CPN2: variants seen among roughly 807,000 people sequenced by gnomAD.
CPN2 encodes carboxypeptidase N subunit 2, also known as carboxypeptidase N 83 kDa chain.
For synonymous variants in CPN2, 336 were observed against 318.4 expected, an observed-to-expected ratio of 1.06 and a Z score of -0.59; for missense variants, 620 against 671.4, an observed-to-expected ratio of 0.92 and a Z score of 0.85.
intron 1 of CPN2, 86 bp from the exon 2 acceptor site, chr3:194,342,791 C>T (rs1712908295): frequency 1.5e-6 from 1 of 662,736 alleles, no homozygotes; most frequent in Admixed American, 2.8e-5. Context: ...GTGACCAGGG[C>T]ATAGTGACCA....
rs763677243 is a variant in CPN2 at position 194,342,093 on chromosome 3, C to T, written c.610G>A (p.Ala204Thr). ...SLQTLKLSNN[A>T]LSGLPQGVFG... The stretch of plus-strand genomic sequence containing the variant: ...ACACCCTGGGGGAGACCAGAGAGCG[C>T]GTTGTTGCTCAGCTTCAGGGTCTGC... Residue 204 changes from alanine (A) to threonine (T), a missense_variant, in exon 2 of 2, where the codon GCG (alanine) becomes ACG (threonine). Transcript: ENST00000323830. 78 of 1,613,974 alleles carry T rather than the reference C, an allele frequency of 4.8e-5. No individual in the cohort carries two copies. In the Admixed American group the frequency reaches 1.1e-3, roughly 23 times the overall value.
Position 194,349,121 on chromosome 3 carries a change from G to A in CPN2, c.-4+2121C>T, listed in dbSNP as rs192332640. On this transcript the variant is annotated intron_variant, in intron 1 of 1. Transcript: ENST00000323830. ...CACACCTGTAATCCCAGCACTTTGG[G>A]AGGCTGAGGCGGGAGCATCACCTGA... Among the ~76,000 whole-genome samples the A allele has an allele frequency of 2.0e-5, 3 of 152,280 alleles. No homozygotes were observed. The East Asian group carries it at 5.8e-4, about 29-fold the overall frequency.
intron 1 of CPN2, among the ~76,000 whole-genome samples, chr3:194,348,983 AAT>A (rs1713157079): frequency 6.6e-6 from 1 of 152,218 alleles, no homozygotes; most frequent in South Asian, 2.1e-4. Context: ...TCTTAAGTGA[AAT>A]ATATGAAGTC....
chr3:194,345,174 G>C (rs1463905514), intron 1 of CPN2, among the ~76,000 whole-genome samples: 7 of 152,214 alleles, frequency 4.6e-5, no homozygotes, highest in Admixed American at 2.0e-4. Context: ...GGCTCAGGCA[G>C]GTTTTGTTGA....
intron 1 of CPN2, among the ~76,000 whole-genome samples, chr3:194,350,924 T>G (rs75374195): frequency 0.034 from 5,177 of 152,156 alleles, 242 homozygotes; most frequent in African/African-American, 0.11. Context: ...TATGCCAAGA[T>G]GACAAGTATA....
In CPN2 at chr3:194,342,586, C is replaced by G; in HGVS notation, c.117G>C (p.Glu39Asp). 1.2e-6 allele frequency: 2 copies of G among 1,614,104 alleles called. No individual in the cohort carries two copies. Among genetic ancestry groups the G allele is most frequent in the African/African-American group, 1.3e-5 (1 of 75,036 alleles). Residue 39 changes from glutamate to aspartate, a missense_variant, in exon 2 of 2, where the codon GAG (glutamate) becomes GAC (aspartate). Glu to Asp is a conservative substitution (Grantham distance 45, BLOSUM62 2). Coordinates refer to ENST00000323830, the MANE Select transcript of CPN2 (RefSeq NM_001080513.4). ...GGATGTCCAGTGGGACGGTGGCAAG[C>G]TCCTCATCTGAGCAGAACACCTCCT... The part of the protein sequence containing the change: ...FVQEVFCSDE[E>D]LATVPLDIPP...
In CPN2 at chr3:194,342,215, C is replaced by G; in HGVS notation, c.488G>C (p.Arg163Thr). The change falls in exon 2 of 2, where the codon AGG becomes ACG. Residue 163 changes from arginine (R) to threonine (T), a missense_variant. By Grantham distance (71) the Arg-to-Thr change is moderately conservative. Coordinates refer to ENST00000323830, the MANE Select transcript of CPN2 (RefSeq NM_001080513.4). ...QGNQLQALPR[R>T]LFQPLTHLKT... ...CAGATGGGTCAGAGGCTGGAAGAGC[C>G]TCCTGGGCAGGGCCTGGAGCTGGTT... 1 of 1,614,014 alleles carries G rather than the reference C, an allele frequency of 6.2e-7. No homozygotes were observed. Among genetic ancestry groups the G allele is most frequent in the Non-Finnish European group, 8.5e-7 (1 of 1,179,946 alleles).
intron 1 of CPN2, among the ~76,000 whole-genome samples, chr3:194,345,579 A>G (rs1713014023): frequency 6.6e-6 from 1 of 152,216 alleles, no homozygotes; most frequent in African/African-American, 2.4e-5. Context: ...CTCAAAGGCT[A>G]TTTCCAGAAA....
chr3:194,344,141 T>A (rs769899691), intron 1 of CPN2, among the ~76,000 whole-genome samples: 20 of 152,294 alleles, frequency 1.3e-4, no homozygotes, highest in African/African-American at 3.4e-4. Flanking sequence ...AGATTCCGCT[T>A]CTGGCTGAAG....
chr3:194,343,613 GC>G (rs1712944607), intron 1 of CPN2, among the ~76,000 whole-genome samples: 1 of 152,232 alleles, frequency 6.6e-6, no homozygotes, highest in African/African-American at 2.4e-5. Flanking sequence ...TTATTCACAT[GC>G]CTTGCAGTGG....
chr3:194,342,815 C>T lies in CPN2; in HGVS notation c.-3-110G>A, dbSNP rs555353634. ...GCATAGTGACCAGAGCACTGGACAG[C>T]GAGCTCCAACATGCGGCAGGACCAA... On this transcript the variant is annotated intron_variant, in intron 1 of 1. Coordinates refer to ENST00000323830, the MANE Select transcript of CPN2 (RefSeq NM_001080513.4). 7.6e-4 allele frequency: 439 copies of T among 579,918 alleles called. 3 individuals carry two copies. The South Asian group carries it at 7.8e-3, about 10-fold the overall frequency. 35.9% of individuals were successfully genotyped at this position (579,918 alleles called of 1,614,324 possible). A position where few individuals can be genotyped will look rare whatever the true frequency, so the allele number is the denominator to read the frequency against.
chr3:194,348,865 C>T (rs945153138), intron 1 of CPN2, among the ~76,000 whole-genome samples: 6 of 151,514 alleles, frequency 4.0e-5, no homozygotes, highest in African/African-American at 1.5e-4. Context: ...TGCACTCCAG[C>T]GTGAGAAGGG....
intron 1 of CPN2, among the ~76,000 whole-genome samples, chr3:194,344,161 T>C (rs1712968020): frequency 6.6e-6 from 1 of 152,184 alleles, no homozygotes; most frequent in Non-Finnish European, 1.5e-5. Context: ...GGTCTCCCAT[T>C]AAACTCATGG....
chr3:194,341,499 G>A lies in CPN2; in HGVS notation c.1204C>T (p.His402Tyr), dbSNP rs1225301317. 1.2e-6 allele frequency: 2 copies of A among 1,614,104 alleles called. No homozygotes were observed. The highest frequency in any genetic ancestry group is 1.7e-6 in the Non-Finnish European group (2 of 1,180,052). Residue 402 changes from histidine to tyrosine, a missense_variant, in exon 2 of 2, where the codon CAC becomes TAC. Coordinates refer to ENST00000323830, the MANE Select transcript of CPN2 (RefSeq NM_001080513.4). ...LHGNPWQCDC[H>Y]LAYLFNWLQQ... ...AGCCAGTTGAAGAGGTAGGCCAGGT[G>A]GCAGTCGCACTGCCAGGGGTTACCG...
chr3:194,350,619 C>T (rs552677112), intron 1 of CPN2, among the ~76,000 whole-genome samples: 1 of 152,266 alleles, frequency 6.6e-6, no homozygotes, highest in African/African-American at 2.4e-5. Flanking sequence ...TAAAAGGTGG[C>T]CCCCTGCAGG....
At chr3:194,342,730 C>T (rs779582717) in intron 1 of CPN2, 25 bp from the exon 2 acceptor site, 2 of 1,016,590 alleles carry the variant, frequency 2.0e-6, no homozygotes, top group South Asian at 1.5e-5. Context: ...GGAGAGAGAA[C>T]AGGAAGAGAA....
intron 1 of CPN2, among the ~76,000 whole-genome samples, chr3:194,349,516 A>C (rs550673790): frequency 6.6e-6 from 1 of 152,330 alleles, no homozygotes; most frequent in Admixed American, 6.5e-5. Flanking sequence ...CTAAATATTG[A>C]GATAAACATG....
At chr3:194,344,501 C>T (rs1413419049) in intron 1 of CPN2, among the ~76,000 whole-genome samples, 3 of 152,128 alleles carry the variant, frequency 2.0e-5, no homozygotes, top group Non-Finnish European at 4.4e-5. Context: ...TCAAGATTAG[C>T]CTGGCCAAGA....
rs531187707 is a variant in CPN2 at position 194,347,712 on chromosome 3, C to A, written c.-4+3530G>T. Among the ~76,000 whole-genome samples, 28 of 134,662 alleles carry A rather than the reference C, an allele frequency of 2.1e-4. 2 individuals carry two copies. In the South Asian group the frequency reaches 7.2e-3, roughly 35 times the overall value. The allele number at this position is 134,662 out of a possible 152,430, so 88.3% of individuals were successfully genotyped here. On this transcript the variant is annotated intron_variant, in intron 1 of 1. Coordinates refer to ENST00000323830, the MANE Select transcript of CPN2 (RefSeq NM_001080513.4). ...CCCACCCTCTGCCCAGTTCAGCCCA[C>A]CCCATCTGCTGCCCTGGCCAGCCCA...
Sources: allele counts gnomAD v4.1 joint callset (sites outside exome capture counted in the v4.1 genomes callset), GRCh38; gene constraint gnomAD v4.1.1; transcripts MANE v1.5; gene names NCBI Gene and HGNC (gene_info 2026-07-23, HGNC 2026-07-21).